The following IRAG1 variants were observed in gnomAD, a reference collection of about 807,000 sequenced individuals.
IRAG1 encodes the protein IP3R-associated cGMP kinase substrate.
IRAG1 carries 62 observed loss-of-function variants against 106.2 expected under a neutral mutation model. That is an observed-to-expected ratio of 0.58 (90% confidence interval 0.48 to 0.72). The LOEUF is 0.72. Ranked by LOEUF, IRAG1 falls within the 30% of genes least tolerant of loss-of-function variation. The probability of loss-of-function intolerance (pLI) is 0.00; values close to 1 mark genes in which losing one functional copy is unlikely to be tolerated. For synonymous variants in IRAG1, 462 were observed against 443.9 expected, an observed-to-expected ratio of 1.04 and a Z score of -0.51; for missense variants, 1,064 against 1,140.7, an observed-to-expected ratio of 0.93 and a Z score of 0.97.
chr11:10,652,247 T>A (rs766570949), intron 1 of IRAG1, 65 bp from the exon 2 acceptor site: 1 of 1,584,482 alleles, frequency 6.3e-7, no homozygotes, highest in South Asian at 1.1e-5. Context: ...GGGTTCCATT[T>A]CCCGGAGCCA....
chr11:10,584,799 T>TAC (rs1360230869), intron 18 of IRAG1, among the ~76,000 whole-genome samples: 2 of 152,088 alleles, frequency 1.3e-5, no homozygotes, highest in East Asian at 3.9e-4. Flanking sequence ...GGGATAGTAA[T>TAC]ACATACCTGA....
At chr11:10,651,722 A>G (rs1858524279) in intron 2 of IRAG1, among the ~76,000 whole-genome samples, 1 of 152,208 alleles carries the variant, frequency 6.6e-6, no homozygotes, top group Admixed American at 6.5e-5. Flanking sequence ...TGGTTCTCAT[A>G]TAAGTCCTTC....
chr11:10,594,702 A>G (rs1853078658), intron 15 of IRAG1, among the ~76,000 whole-genome samples: 1 of 152,228 alleles, frequency 6.6e-6, no homozygotes, highest in African/African-American at 2.4e-5. Flanking sequence ...TCTCCTTACT[A>G]CATACATTAA....
intron 3 of IRAG1, among the ~76,000 whole-genome samples, chr11:10,632,277 C>G (rs1482014565): frequency 1.3e-5 from 2 of 151,568 alleles, no homozygotes; most frequent in East Asian, 1.9e-4. Flanking sequence ...CCTCTGCCTC[C>G]CAGGTTCAAG....
chr11:10,670,132 T>C (rs1400784200), intron 1 of IRAG1, among the ~76,000 whole-genome samples: 2 of 152,244 alleles, frequency 1.3e-5, no homozygotes, highest in African/African-American at 2.4e-5. Flanking sequence ...TAGCTACATC[T>C]TGAGCTTCCA....
At position 10,580,961 on chromosome 11, in the gene IRAG1, C is replaced by A. The variant is rs141786122; in HGVS notation, c.2361-372G>T. Among the ~76,000 whole-genome samples the A allele has an allele frequency of 4.1e-4, 63 of 152,292 alleles. No individual in the cohort carries two copies. The East Asian group carries it at 0.011, about 27-fold the overall frequency. ...CATCTGTAAAAGAGAGAGGGTGACA[C>A]TCATTTCACAGGGCGTTGGAATGAT... On this transcript the variant is annotated intron_variant, in intron 19 of 20. Coordinates refer to ENST00000423302, the MANE Select transcript of IRAG1 (RefSeq NM_130385.4).
rs145962669 is a variant in IRAG1 at position 10,588,683 on chromosome 11, C to A, written c.2240+2865G>T. 2.9e-4 allele frequency among the ~76,000 whole-genome samples: 44 copies of A among 152,274 alleles called. No homozygotes were observed. In the East Asian group the frequency reaches 8.1e-3, roughly 28 times the overall value. On this transcript the variant is annotated intron_variant, in intron 18 of 20. Transcript: ENST00000423302. ...CATTTTCTAAGCTCTCTCTTCCCCC[C>A]ACTTCCCCAGTTCCCCCAACCTTAC...
At chr11:10,616,290 CAAA>C (rs71034776) in intron 10 of IRAG1, among the ~76,000 whole-genome samples, 7 of 117,364 alleles carry the variant, frequency 6.0e-5, no homozygotes, top group Admixed American at 3.6e-4. Context: ...GACTCCATCT[CAAA>C]AAAAAAAAAA....
intron 1 of IRAG1, among the ~76,000 whole-genome samples, chr11:10,682,860 A>G (rs530564425): frequency 6.6e-6 from 1 of 152,070 alleles, no homozygotes; most frequent in Non-Finnish European, 1.5e-5. Flanking sequence ...ATACCCCACA[A>G]TCCTGTCCCC....
At position 10,647,016 on chromosome 11, in the gene IRAG1, C is replaced by G. The variant is rs1183029058; in HGVS notation, c.225+5009G>C. Among the ~76,000 whole-genome samples, 2 of 152,182 alleles carry G rather than the reference C, an allele frequency of 1.3e-5. No homozygotes were observed. Among genetic ancestry groups the G allele is most frequent in the Non-Finnish European group, 1.5e-5 (1 of 68,038 alleles). ...GACATGCAGCTTTGGTTGCTGGCCC[C>G]ACGAGCTTGTGCTCCTGAGGGGCTG... On this transcript the variant is annotated intron_variant, in intron 2 of 20. Transcript: ENST00000423302. The surrounding 1 kb of genome is among the most constrained non-coding windows in gnomAD (Gnocchi z 4.3).
chr11:10,633,131 G>A (rs1478269178), intron 3 of IRAG1, among the ~76,000 whole-genome samples: 5 of 143,374 alleles, frequency 3.5e-5, no homozygotes, highest in East Asian at 4.1e-4. Context: ...CTGGAGTGCA[G>A]TGGCGCGATC....
chr11:10,591,680 T>C lies in IRAG1; in HGVS notation c.2176-68A>G, dbSNP rs964958539. 131 of 1,372,938 alleles carry C rather than the reference T, an allele frequency of 9.5e-5. No homozygotes were observed. In the South Asian group the frequency reaches 1.6e-3, roughly 17 times the overall value. 85.0% of individuals were successfully genotyped at this position (1,372,938 alleles called of 1,614,324 possible). A position where few individuals can be genotyped will look rare whatever the true frequency, so the allele number is the denominator to read the frequency against. ...GAAGGAAGAAGCCAGAGCTGCTGGA[T>C]TTCTGATGATGCTGGGAGCGGGGCT... On this transcript the variant is annotated intron_variant, in intron 17 of 20. Transcript: ENST00000423302.
At chr11:10,623,570 G>A (rs1285447199) in intron 10 of IRAG1, among the ~76,000 whole-genome samples, 1 of 152,238 alleles carries the variant, frequency 6.6e-6, no homozygotes, top group Non-Finnish European at 1.5e-5. Context: ...GGCTTAGGGA[G>A]GGCTGACAGC....
chr11:10,635,501 C>T (rs1260140521), intron 2 of IRAG1, among the ~76,000 whole-genome samples: 1 of 152,226 alleles, frequency 6.6e-6, no homozygotes, highest in Non-Finnish European at 1.5e-5. Context: ...GTTTTCACCT[C>T]CACTAGCCCC....
intron 18 of IRAG1, 83 bp downstream of exon 18, chr11:10,591,465 G>T: frequency 1.6e-6 from 2 of 1,223,666 alleles, no homozygotes; most frequent in Non-Finnish European, 2.4e-6. Flanking sequence ...GCATTTTGGG[G>T]ATAAAAATGG....
At chr11:10,675,962 C>A (rs1010814115) in intron 1 of IRAG1, among the ~76,000 whole-genome samples, 10 of 152,240 alleles carry the variant, frequency 6.6e-5, no homozygotes, top group African/African-American at 2.2e-4. Flanking sequence ...CAAGCCTCTC[C>A]CCTGCCTCAT....
chr11:10,680,344 G>GAAAGAAAGAAAGAAA (rs1861069824), intron 1 of IRAG1, among the ~76,000 whole-genome samples: 11 of 67,978 alleles, frequency 1.6e-4, no homozygotes, highest in African/African-American at 6.5e-4. Flanking sequence ...AAGGAAGGAA[G>GAAAGAAAGAAAGAAA]GAAAGAAAGA....
At chr11:10,587,729 G>A (rs748280226) in intron 18 of IRAG1, among the ~76,000 whole-genome samples, 9 of 152,128 alleles carry the variant, frequency 5.9e-5, no homozygotes, top group Non-Finnish European at 1.3e-4. Flanking sequence ...CACACACCCT[G>A]TCTCTCACCC....
In IRAG1 at chr11:10,576,803, G is replaced by C. The variant is rs1244517412; in HGVS notation, c.2496-228C>G. On this transcript the variant is annotated intron_variant, in intron 20 of 20. Coordinates refer to ENST00000423302, the MANE Select transcript of IRAG1 (RefSeq NM_130385.4). ...AATCATTGGCTAAATTTTCCCAGGT[G>C]ATTTTGATTCCACCAGTCCACAGCC... 2.0e-5 allele frequency among the ~76,000 whole-genome samples: 3 copies of C among 152,212 alleles called. No homozygotes were observed. The East Asian group carries it at 5.8e-4, about 29-fold the overall frequency.
Sources: gnomAD v4.1 joint callset for allele counts (sites outside exome capture counted in the v4.1 genomes callset) on GRCh38, gnomAD v4.1.1 for gene constraint, Gnocchi (gnomAD v3.1) non-coding constraint, MANE v1.5 for transcripts, NCBI Gene and HGNC (gene_info 2026-07-23, HGNC 2026-07-21) for gene names.